The following CIMIP2C variants were observed in gnomAD, a reference collection of about 807,000 sequenced individuals.
CIMIP2C encodes the protein UPF0573 protein C2orf70.
chr2:26,571,393 A>G, the CIMIP2C span, among the ~76,000 whole-genome samples: 219 of 152,148 alleles, frequency 1.4e-3, 1 homozygote, highest in African/African-American at 5.1e-3. Flanking sequence ...TAGCACTAGA[A>G]CCTTGACCAT....
chr2:26,566,146 C>T, the CIMIP2C span, among the ~76,000 whole-genome samples: 3 of 152,348 alleles, frequency 2.0e-5, no homozygotes, highest in East Asian at 3.9e-4. Flanking sequence ...ACTTGGCCTG[C>T]GCCATGCATT....
the CIMIP2C span, chr2:26,562,658 G>T: frequency 6.3e-7 from 1 of 1,583,586 alleles, no homozygotes. Flanking sequence ...GTTCAATGCC[G>T]CCTACGTGCC....
the CIMIP2C span, among the ~76,000 whole-genome samples, chr2:26,564,909 A>G: frequency 6.6e-6 from 1 of 152,190 alleles, no homozygotes; most frequent in Non-Finnish European, 1.5e-5. Flanking sequence ...TGGTGATTGA[A>G]GTGCTGGGCT....
At chr2:26,570,634 A>T in the CIMIP2C span, among the ~76,000 whole-genome samples, 2 of 152,244 alleles carry the variant, frequency 1.3e-5, no homozygotes, top group South Asian at 2.1e-4. Context: ...CAACAGGGAA[A>T]ATGCATCCCA....
At chr2:26,577,406 G>A in the CIMIP2C span, 1 of 998,018 alleles carries the variant, frequency 1.0e-6, no homozygotes, top group South Asian at 1.4e-5. Flanking sequence ...GGGGGCATTA[G>A]GGGAGGTGGC....
At chr2:26,566,969 C>A in the CIMIP2C span, among the ~76,000 whole-genome samples, 1 of 152,198 alleles carries the variant, frequency 6.6e-6, no homozygotes. Context: ...CTCAGCCTCC[C>A]AAAGTGCTGG....
chr2:26,573,299 C>T, the CIMIP2C span, among the ~76,000 whole-genome samples: 2 of 150,300 alleles, frequency 1.3e-5, no homozygotes, highest in South Asian at 4.1e-4. Context: ...TTAATGTCTC[C>T]TCTCTTGGCT....
chr2:26,570,089 G>T, the CIMIP2C span, among the ~76,000 whole-genome samples: 1 of 152,224 alleles, frequency 6.6e-6, no homozygotes, highest in African/African-American at 2.4e-5. Context: ...TGAGCAGTAA[G>T]CCCTGAACAG....
At chr2:26,572,399 C>G in the CIMIP2C span, among the ~76,000 whole-genome samples, 1 of 145,678 alleles carries the variant, frequency 6.9e-6, no homozygotes, top group African/African-American at 2.6e-5. Context: ...AGGATTTTGT[C>G]GCTGAACATG....
the CIMIP2C span, chr2:26,579,520 CA>C: frequency 6.7e-7 from 1 of 1,499,186 alleles, no homozygotes; most frequent in Non-Finnish European, 9.1e-7. Flanking sequence ...AATCTTTAGC[CA>C]TGACCATGCT....
chr2:26,575,753 G>A, the CIMIP2C span: 1 of 864,016 alleles, frequency 1.2e-6, no homozygotes, highest in Non-Finnish European at 1.7e-6. Context: ...AGAACTCCTG[G>A]GCTCAGGTGT....
At chr2:26,577,465 G>A in the CIMIP2C span, 3 of 1,515,662 alleles carry the variant, frequency 2.0e-6, no homozygotes, top group South Asian at 3.4e-5. Context: ...GGTGCCTGTG[G>A]TCAGTCCTGT....
the CIMIP2C span, chr2:26,579,040 C>T: frequency 3.6e-5 from 20 of 553,476 alleles, no homozygotes; most frequent in African/African-American, 3.7e-4. Context: ...AATATGCACA[C>T]TTCTAGCAGG....
chr2:26,562,672 T>C, the CIMIP2C span: 1 of 1,577,318 alleles, frequency 6.3e-7, no homozygotes, highest in Non-Finnish European at 8.6e-7. Flanking sequence ...ACGTGCCCCC[T>C]GGACTCATGC....
chr2:26,574,795 G>A, the CIMIP2C span, among the ~76,000 whole-genome samples: 2 of 152,216 alleles, frequency 1.3e-5, no homozygotes, highest in African/African-American at 4.8e-5. Context: ...GGGAGAGGTG[G>A]GTGATGCCCT....
chr2:26,579,156 G>T, the CIMIP2C span: 1 of 918,188 alleles, frequency 1.1e-6, no homozygotes. Context: ...AGTCCAGGGG[G>T]ACTTATCAGG....
the CIMIP2C span, among the ~76,000 whole-genome samples, chr2:26,568,408 T>G: frequency 6.6e-6 from 1 of 152,226 alleles, no homozygotes. Context: ...TCCCTGGAAT[T>G]CACCTCTGAG....
chr2:26,577,378 C>A, the CIMIP2C span: 2 of 749,334 alleles, frequency 2.7e-6, no homozygotes, highest in South Asian at 1.7e-5. Flanking sequence ...GGGGCCCCAG[C>A]AACTCCGGGA....
At chr2:26,579,106 C>T in the CIMIP2C span, 1 of 621,028 alleles carries the variant, frequency 1.6e-6, no homozygotes, top group Non-Finnish European at 2.8e-6. Context: ...TCACTCTTAA[C>T]CACTGTGCCA....
Sources: allele counts gnomAD v4.1 joint callset (sites outside exome capture counted in the v4.1 genomes callset), GRCh38; gene constraint gnomAD v4.1.1; transcripts MANE v1.5; gene names NCBI Gene and HGNC (gene_info 2026-07-23, HGNC 2026-07-21).